COL5A3: variants seen among roughly 807,000 people sequenced by gnomAD.
COL5A3 encodes the protein collagen alpha-3(V) chain.
COL5A3 carries 172 observed loss-of-function variants against 250.0 expected under a neutral mutation model. The ratio of observed to expected loss-of-function variants is 0.69; its 90% CI spans 0.61 to 0.78. The LOEUF (loss-of-function observed/expected upper bound fraction) is 0.78. Ranked by LOEUF, COL5A3 falls within the 30% of genes least tolerant of loss-of-function variation. The pLI is 0.00. For missense variants in COL5A3, 2,340 were observed against 2,334.4 expected (o/e 1.00, Z -0.05); for synonymous variants, 937 against 900.4 (o/e 1.04, Z -0.73).
At chr19:9,965,700 C>T (rs2336498) in intron 64 of COL5A3, among the ~76,000 whole-genome samples, 29,721 of 151,770 alleles carry the variant, frequency 0.2, 3,096 homozygotes, top group South Asian at 0.33. Flanking sequence ...TGATCTGCCC[C>T]CGCTTGGCCT....
chr19:10,004,522 G>A (rs569860020), intron 4 of COL5A3, among the ~76,000 whole-genome samples: 3 of 152,316 alleles, frequency 2.0e-5, no homozygotes, highest in Non-Finnish European at 4.4e-5. Context: ...GTAAAGACAA[G>A]GTTTTGCCAT....
chr19:9,966,788 G>A (rs1417515085), intron 62 of COL5A3, 42 bp from the exon 63 acceptor site: 2 of 1,442,324 alleles, frequency 1.4e-6, no homozygotes, highest in Admixed American at 2.1e-5. Context: ...GGGGAGATGG[G>A]GGAGGGAGAG....
chr19:9,969,266 C>T, intron 57 of COL5A3, 83 bp downstream of exon 57: 6 of 1,235,156 alleles, frequency 4.9e-6, no homozygotes, highest in Non-Finnish European at 6.9e-6. Flanking sequence ...GAGGGCTAGC[C>T]TGCACCAATG....
rs200094380 is a variant in COL5A3 at position 9,993,666 on chromosome 19, G to A, written c.1648C>T (p.Arg550Cys). 70 of 1,614,056 alleles carry A rather than the reference G, an allele frequency of 4.3e-5. No homozygotes were observed. In the Admixed American group the frequency reaches 1.0e-3, roughly 24 times the overall value. The change falls in exon 18 of 67, where the codon CGT (arginine) becomes TGT (cysteine). Residue 550 changes from arginine to cysteine, a missense_variant. Physicochemically the swap from Arg to Cys is radical, Grantham distance 180 (BLOSUM62 -3). This residue lies in a region of COL5A3 where 1,152 missense variants were observed against 1,146.3 expected (regional missense o/e 1.00). Transcript: ENST00000264828. ...AGCCCAGGGAGGCCATCGAAGCCACGATCACCCTGTCCAGAGACACCAGTG... is the reference window on the plus strand; with the variant it reads ...AGCCCAGGGAGGCCATCGAAGCCACAATCACCCTGTCCAGAGACACCAGTG... ...LPGDTGPKGD[R>C]GFDGLPGLPG...
At chr19:10,004,356 CA>C (rs1376443379) in intron 4 of COL5A3, among the ~76,000 whole-genome samples, 3 of 152,182 alleles carry the variant, frequency 2.0e-5, no homozygotes, top group Admixed American at 6.5e-5. Context: ...AAGATCCTAT[CA>C]GGGGCACACC....
At position 9,967,306 on chromosome 19, in the gene COL5A3, C is replaced by T. The variant is rs771889911; in HGVS notation, c.4458+41G>A. 24 of 1,379,008 alleles carry T rather than the reference C, an allele frequency of 1.7e-5. No homozygotes were observed. In the African/African-American group the frequency reaches 3.7e-4, roughly 21 times the overall value. 85.4% of individuals were successfully genotyped at this position (1,379,008 alleles called of 1,614,324 possible). A position where few individuals can be genotyped will look rare whatever the true frequency, so the allele number is the denominator to read the frequency against. ...CCAGACATAGTCCTTGCTCTCCCCC[C>T]AGGTTTTGGTGTCCATTCCCCCGCC... On this transcript the variant is annotated intron_variant, in intron 62 of 66. Coordinates refer to ENST00000264828, the MANE Select transcript of COL5A3 (RefSeq NM_015719.4).
At chr19:9,977,207 C>T in intron 44 of COL5A3, 22 bp downstream of exon 44, 3 of 1,612,452 alleles carry the variant, frequency 1.9e-6, no homozygotes, top group Non-Finnish European at 2.5e-6. Context: ...CCCACCCTGC[C>T]CCACTGGGGA....
chr19:9,984,485 G>C (rs1166425887), intron 31 of COL5A3, among the ~76,000 whole-genome samples: 2 of 152,178 alleles, frequency 1.3e-5, no homozygotes, highest in Non-Finnish European at 2.9e-5. Context: ...TTTTGCATAA[G>C]TACATTTGAC....
chr19:9,973,727 C>T (rs1298563541), intron 49 of COL5A3, 29 bp downstream of exon 49: 3 of 1,613,852 alleles, frequency 1.9e-6, no homozygotes, highest in Non-Finnish European at 2.5e-6. Context: ...TCTCTTCCCC[C>T]CGTGCAGCCC....
chr19:9,995,946 A>T, intron 15 of COL5A3, 120 bp downstream of exon 15: 2 of 1,001,096 alleles, frequency 2.0e-6, no homozygotes, highest in Non-Finnish European at 2.9e-6. Context: ...TCTCTAGGAA[A>T]GTCATCAATT....
chr19:9,996,487 G>T lies in COL5A3; in HGVS notation c.1368C>A (p.Gly456=). ...PFQFAGGSFK[G]PPVSFQQAQA... is the part of the protein sequence containing the mutation. Reference sequence around the variant, plus strand: ...GGGCCTGCTGGAATGAGACTGGGGGGCCTTTAAAGGAGCCGCCTGCAAACT... The same window carrying T: ...GGGCCTGCTGGAATGAGACTGGGGGTCCTTTAAAGGAGCCGCCTGCAAACT... The change falls in exon 13 of 67, where the codon GGC becomes GGA. Residue 456 remains glycine (G), a synonymous_variant. Coordinates refer to ENST00000264828, the MANE Select transcript of COL5A3 (RefSeq NM_015719.4). 2 of 1,614,108 alleles carry T rather than the reference G, an allele frequency of 1.2e-6. No individual in the cohort carries two copies. The highest frequency in any genetic ancestry group is 8.5e-7 in the Non-Finnish European group (1 of 1,179,998).
At position 9,966,579 on chromosome 19, in the gene COL5A3, G is replaced by A; in HGVS notation, c.4626C>T (p.Leu1542=). The A allele has an allele frequency of 6.5e-7, 1 of 1,542,276 alleles. No individual in the cohort carries two copies. The highest frequency in any genetic ancestry group is 8.7e-7 in the Non-Finnish European group (1 of 1,147,498). ...GGTTGCGGTGCAGCTCGTGGCACAC[G>A]AGGCCCGGGCGCTCCGCAGTGCCGG... is the stretch of plus-strand genomic sequence containing the variant. ...RPPGTAERPG[L]VCHELHRNHP... Residue 1542 remains leucine, a synonymous_variant, in exon 63 of 67, where the codon CTC becomes CTT. Coordinates refer to ENST00000264828, the MANE Select transcript of COL5A3 (RefSeq NM_015719.4).
chr19:9,998,169 G>A lies in COL5A3; in HGVS notation c.1111-20C>T. 3 of 1,603,064 alleles carry A rather than the reference G, an allele frequency of 1.9e-6. No individual in the cohort carries two copies. Among genetic ancestry groups the A allele is most frequent in the Non-Finnish European group, 2.6e-6 (3 of 1,175,576 alleles). Reference sequence around the variant, plus strand: ...AGCACCCTGGGGTGGGGTCAGGGGAGATGGAGAGAAAAGAGATGTGAACTT... The same window carrying A: ...AGCACCCTGGGGTGGGGTCAGGGGAAATGGAGAGAAAAGAGATGTGAACTT... On this transcript the variant is annotated intron_variant, in intron 8 of 66. Coordinates refer to ENST00000264828, the MANE Select transcript of COL5A3 (RefSeq NM_015719.4).
In COL5A3 at chr19:9,966,616, A is replaced by T. The variant is rs1375536898; in HGVS notation, c.4589T>A (p.Leu1530Gln). The part of the protein sequence containing the change: ...LTSLSLELEQ[L>Q]RRPPGTAERP... ...CTCCGCAGTGCCGGGAGGACGCCGC[A>T]GCTGCTCCAGCTCCAAGCTCAGCGA... The change falls in exon 63 of 67, where the codon CTG becomes CAG. Residue 1530 changes from leucine to glutamine, a missense_variant. Leu to Gln is a moderately radical substitution (Grantham distance 113). Around this residue, in one of 3 missense-constraint regions of COL5A3, gnomAD observed 1,179 missense variants for 1,162.6 expected, o/e 1.01. Coordinates refer to ENST00000264828, the MANE Select transcript of COL5A3 (RefSeq NM_015719.4). 6.5e-6 allele frequency: 10 copies of T among 1,538,870 alleles called. No homozygotes were observed. The highest frequency in any genetic ancestry group is 8.7e-6 in the Non-Finnish European group (10 of 1,146,938).
In COL5A3 at chr19:10,004,053, C is replaced by T. The variant is rs140294240; in HGVS notation, c.687G>A (p.Pro229=). 395 of 1,613,620 alleles carry T rather than the reference C, an allele frequency of 2.4e-4. No individual in the cohort carries two copies. The African/African-American group carries it at 4.4e-3, about 18-fold the overall frequency. The change falls in exon 5 of 67, where the codon CCG becomes CCA. Residue 229 remains proline (P), a synonymous_variant. Coordinates refer to ENST00000264828, the MANE Select transcript of COL5A3 (RefSeq NM_015719.4). ...RYLPDCDNLA[P]AATVAPQGEP... Reference sequence around the variant, plus strand: ...GTCCCTCACTCACCACTGTGGCTGCCGGTGCCAGGTTGTCACAGTCGGGGA... The same window carrying T: ...GTCCCTCACTCACCACTGTGGCTGCTGGTGCCAGGTTGTCACAGTCGGGGA...
chr19:9,974,399 C>T lies in COL5A3; in HGVS notation c.3352G>A (p.Gly1118Arg), dbSNP rs766310144. 24 of 1,594,666 alleles carry T rather than the reference C, an allele frequency of 1.5e-5. No homozygotes were observed. Among genetic ancestry groups the T allele is most frequent in the Middle Eastern group, 1.7e-4 (1 of 5,960 alleles). The change falls in exon 46 of 67, where the codon GGG becomes AGG. Residue 1118 changes from glycine to arginine, a missense_variant. Gly to Arg is a moderately radical substitution (Grantham distance 125). Transcript: ENST00000264828. Reference protein sequence around the residue: ...AGHPGPPGADGAQGRRGPPGL... With the variant: ...AGHPGPPGADRAQGRRGPPGL... ...GGGGGTCCCCGGCGCCCCTGAGCCC[C>T]GTCTGCTCCCTGGAAGAACACAAAC...
intron 42 of COL5A3, 45 bp from the exon 43 acceptor site, chr19:9,977,517 T>C (rs747159511): frequency 8.0e-6 from 12 of 1,505,638 alleles, no homozygotes; most frequent in South Asian, 6.6e-5. Context: ...AGGAATGTCC[T>C]GCAGGAGCCA....
rs138459070 is a variant in COL5A3 at position 9,984,483 on chromosome 19, A to G, written c.2406+1359T>C. Among the ~76,000 whole-genome samples the G allele has an allele frequency of 6.0e-4, 91 of 152,354 alleles. 1 individual carries two copies. In the East Asian group the frequency reaches 0.017, roughly 28 times the overall value. On this transcript the variant is annotated intron_variant, in intron 31 of 66. Coordinates refer to ENST00000264828, the MANE Select transcript of COL5A3 (RefSeq NM_015719.4). ...TTTTCATATAAGTACGTTTTTGCAT[A>G]AGTACATTTGACTATAAGTTATAAT...
At chr19:10,000,784 A>T (rs1260583666) in intron 8 of COL5A3, among the ~76,000 whole-genome samples, 2 of 152,174 alleles carry the variant, frequency 1.3e-5, no homozygotes, top group African/African-American at 4.8e-5. Flanking sequence ...CTCCAGGTAG[A>T]AATCCCTTCT....
Sources: allele counts gnomAD v4.1 joint callset (sites outside exome capture counted in the v4.1 genomes callset), GRCh38; gene constraint gnomAD v4.1.1; regional missense constraint gnomAD v4.1.1; transcripts MANE v1.5; gene names NCBI Gene and HGNC (gene_info 2026-07-23, HGNC 2026-07-21).